SLC1A4: variants seen among roughly 807,000 people sequenced by gnomAD.
The protein encoded by SLC1A4 is neutral amino acid transporter A.
In SLC1A4, 19 loss-of-function variants were observed where a neutral mutation model predicts 37.7. The observed-to-expected ratio is 0.50, with a 90% CI of 0.35 to 0.74. The LOEUF (loss-of-function observed/expected upper bound fraction) is 0.74, where lower values mean the gene tolerates loss of function less well. Ranked by LOEUF, SLC1A4 falls within the 30% of genes least tolerant of loss-of-function variation. The pLI is 0.01. For synonymous variants in SLC1A4, 299 were observed against 309.8 expected, an observed-to-expected ratio of 0.97 and a Z score of 0.37; for missense variants, 570 against 712.9, an observed-to-expected ratio of 0.80 and a Z score of 2.28.
intron 1 of SLC1A4, among the ~76,000 whole-genome samples, chr2:64,997,356 C>T (rs1673296011): frequency 6.6e-6 from 1 of 152,088 alleles, no homozygotes; most frequent in Non-Finnish European, 1.5e-5. Flanking sequence ...ACAATAAATG[C>T]ACCCACTTTA....
At chr2:64,989,090 C>T (rs1672922031), upstream of SLC1A4, among the ~76,000 whole-genome samples, 1 of 152,112 alleles carries the variant, frequency 6.6e-6, no homozygotes, top group African/African-American at 2.4e-5. Flanking sequence ...GCCCGCACTT[C>T]CCCGCGGTCG....
intron 1 of SLC1A4, chr2:65,000,357 C>G (rs1673412339): frequency 6.6e-6 from 1 of 152,148 alleles, no homozygotes; most frequent in African/African-American, 2.4e-5. Context: ...AATAAAATGT[C>G]CCTGCCCACA....
chr2:64,989,762 G>GGCGCC lies in SLC1A4; in HGVS notation c.120_124dup (p.Gln42ArgfsTer28), dbSNP rs1672970952. Reference sequence around the variant, plus strand: ...GCACGGCGTTGCGCGGGCTTCCTGCGGCGCCAAGCGCTGGTGCTGCTCACC... The same window carrying GGCGCC: ...GCACGGCGTTGCGCGGGCTTCCTGCGGCGCCGCGCCAAGCGCTGGTGCTGCTCACC... On this transcript the variant is annotated frameshift_variant, in exon 1 of 8. Transcript: ENST00000234256. LOFTEE classifies it high-confidence loss of function. 1.4e-6 allele frequency: 2 copies of GGCGCC among 1,444,054 alleles called. No homozygotes were observed. The highest frequency in any genetic ancestry group is 1.8e-6 in the Non-Finnish European group (2 of 1,106,682). The allele number at this position is 1,444,054 out of a possible 1,614,324, so 89.5% of individuals were successfully genotyped here.
intron 1 of SLC1A4, among the ~76,000 whole-genome samples, chr2:64,992,050 TGAAAA>T (rs1673081064): frequency 6.6e-6 from 1 of 152,220 alleles, no homozygotes; most frequent in Non-Finnish European, 1.5e-5. Flanking sequence ...AGGTGAGTGC[TGAAAA>T]GAAGTCTCCT....
chr2:65,008,098 A>G (rs926118137), intron 3 of SLC1A4, among the ~76,000 whole-genome samples: 1 of 152,214 alleles, frequency 6.6e-6, no homozygotes, highest in Non-Finnish European at 1.5e-5. Context: ...TTCAAATAGT[A>G]ATTGAATTTT....
intron 3 of SLC1A4, among the ~76,000 whole-genome samples, chr2:65,006,530 C>T (rs1404512036): frequency 1.3e-5 from 2 of 152,028 alleles, no homozygotes; most frequent in Admixed American, 6.5e-5. Flanking sequence ...GAAAGAGGAG[C>T]AGTGTGTCCT....
intron 4 of SLC1A4, among the ~76,000 whole-genome samples, chr2:65,016,095 T>C (rs1215058276): frequency 2.0e-5 from 3 of 152,238 alleles, no homozygotes. Context: ...AAGTCAGGCT[T>C]ACAGTCCTGG....
intron 3 of SLC1A4, among the ~76,000 whole-genome samples, chr2:65,004,487 C>A (rs1195090065): frequency 6.6e-6 from 1 of 150,430 alleles, no homozygotes; most frequent in Non-Finnish European, 1.5e-5. Flanking sequence ...AGAGTTTCAC[C>A]ATGTTGTCAA....
At chr2:65,004,657 T>C (rs1202223541) in intron 3 of SLC1A4, among the ~76,000 whole-genome samples, 1 of 151,932 alleles carries the variant, frequency 6.6e-6, no homozygotes, top group African/African-American at 2.4e-5. Context: ...ACTACCCCTA[T>C]ACCTATTACA....
chr2:64,997,162 T>C (rs1240417856), intron 1 of SLC1A4, among the ~76,000 whole-genome samples: 1 of 152,114 alleles, frequency 6.6e-6, no homozygotes, highest in Non-Finnish European at 1.5e-5. Context: ...TCTATGGTGC[T>C]TCAGCTCACT....
chr2:65,006,383 T>C (rs1673671630), intron 3 of SLC1A4, among the ~76,000 whole-genome samples: 1 of 152,070 alleles, frequency 6.6e-6, no homozygotes, highest in Non-Finnish European at 1.5e-5. Context: ...TCCCAGCTAC[T>C]TGGGAGGCTG....
chr2:65,010,830 G>T, intron 4 of SLC1A4, 67 bp downstream of exon 4: 1 of 1,527,758 alleles, frequency 6.5e-7, no homozygotes, highest in Non-Finnish European at 8.9e-7. Context: ...AGTCCACCTT[G>T]CTGTTCTAGG....
At position 64,989,609 on chromosome 2, in the gene SLC1A4, C is replaced by G; in HGVS notation, c.-35C>G. 2 of 1,449,136 alleles carry G rather than the reference C, an allele frequency of 1.4e-6. No individual in the cohort carries two copies. The highest frequency in any genetic ancestry group is 1.8e-6 in the Non-Finnish European group (2 of 1,103,896). 89.8% of individuals were successfully genotyped at this position (1,449,136 alleles called of 1,614,324 possible). On this transcript the variant is annotated 5_prime_UTR_variant, in exon 1 of 8. Coordinates refer to ENST00000234256, the MANE Select transcript of SLC1A4 (RefSeq NM_003038.5). ...CCGTCTTTTGCCAGAGCCCACGTCC[C>G]CTGCCACCTCTAGCTCGGAGCGGCG...
At chr2:65,004,374 C>T (rs927789244) in intron 3 of SLC1A4, among the ~76,000 whole-genome samples, 3 of 152,058 alleles carry the variant, frequency 2.0e-5, no homozygotes, top group Non-Finnish European at 4.4e-5. Context: ...CTCAGTCTCC[C>T]GAGTAGCTGG....
At chr2:64,998,532 T>C (rs1673352109) in intron 1 of SLC1A4, among the ~76,000 whole-genome samples, 1 of 152,156 alleles carries the variant, frequency 6.6e-6, no homozygotes, top group African/African-American at 2.4e-5. Context: ...AACTTGATTT[T>C]TGGGGGGCAG....
chr2:65,019,745 C>G (rs1204014122), intron 7 of SLC1A4, among the ~76,000 whole-genome samples: 1 of 152,178 alleles, frequency 6.6e-6, no homozygotes, highest in Non-Finnish European at 1.5e-5. Flanking sequence ...TGGACAGGAC[C>G]AGAGCTGACA....
chr2:65,014,614 T>C (rs1302918991), intron 4 of SLC1A4, among the ~76,000 whole-genome samples: 1 of 152,234 alleles, frequency 6.6e-6, no homozygotes, highest in Non-Finnish European at 1.5e-5. Context: ...TAAGAACCAC[T>C]GTTGCAGAGG....
chr2:65,014,603 A>C (rs2422359), intron 4 of SLC1A4, among the ~76,000 whole-genome samples: 1 of 152,164 alleles, frequency 6.6e-6, no homozygotes, highest in Non-Finnish European at 1.5e-5. Context: ...TCATCCCTGG[A>C]TAAGAACCAC....
intron 5 of SLC1A4, among the ~76,000 whole-genome samples, chr2:65,017,282 C>T (rs978065265): frequency 9.2e-5 from 14 of 151,742 alleles, no homozygotes; most frequent in African/African-American, 3.4e-4. Context: ...CTCTAGGAGT[C>T]CACAATAGTG....
Sources: gnomAD v4.1 joint callset for allele counts (sites outside exome capture counted in the v4.1 genomes callset) on GRCh38, gnomAD v4.1.1 for gene constraint, MANE v1.5 for transcripts, NCBI Gene and HGNC (gene_info 2026-07-23, HGNC 2026-07-21) for gene names.